Variants in IFT74 observed in about 807,000 individuals in gnomAD.
IFT74 encodes intraflagellar transport 74, also known as intraflagellar transport protein 74 homolog.
IFT74 carries 92 observed loss-of-function variants against 96.7 expected under a neutral mutation model. That is an observed-to-expected ratio of 0.95 (90% CI 0.80 to 1.13). The LOEUF (loss-of-function observed/expected upper bound fraction) is 1.13. Among genes scored for constraint, IFT74 ranks in the 50% most tolerant of loss-of-function variants. The pLI, the probability that IFT74 is intolerant of heterozygous loss-of-function variation, is 0.00. For synonymous variants in IFT74, 223 were observed against 213.2 expected (o/e 1.05, Z -0.40); for missense variants, 811 against 698.2 (o/e 1.16, Z -1.82).
At chr9:27,029,764 T>C (rs557919094) in intron 13 of IFT74, among the ~76,000 whole-genome samples, 2 of 151,984 alleles carry the variant, frequency 1.3e-5, no homozygotes, top group Non-Finnish European at 2.9e-5. Context: ...ATAAATAAAT[T>C]AATTAAATAA....
intron 13 of IFT74, among the ~76,000 whole-genome samples, chr9:27,034,799 G>T (rs888904838): frequency 1.3e-5 from 2 of 152,184 alleles, no homozygotes; most frequent in Non-Finnish European, 2.9e-5. Context: ...CAAAGTGTTG[G>T]GATTACAGGC....
intron 17 of IFT74, among the ~76,000 whole-genome samples, 163 bp from the exon 18 acceptor site, chr9:27,056,171 A>T (rs1173285196): frequency 6.6e-6 from 1 of 152,256 alleles, no homozygotes; most frequent in African/African-American, 2.4e-5. Context: ...TAATGTTAAC[A>T]TAGCTTATAG....
rs762456314 is a variant in IFT74 at position 27,011,929 on chromosome 9, A to G, written c.750A>G (p.Gln250=). 2.5e-6 allele frequency: 4 copies of G among 1,586,042 alleles called. No individual in the cohort carries two copies. In the South Asian group the frequency reaches 3.5e-5, roughly 14 times the overall value. ...AGGAATTAGATACACTTCAACAACAATTGGATTCACAGAACATGAAAAAAG... is the reference window on the plus strand; with the variant it reads ...AGGAATTAGATACACTTCAACAACAGTTGGATTCACAGAACATGAAAAAAG... ...LLQELDTLQQ[Q]LDSQNMKKES... The change falls in exon 10 of 20, where the codon CAA becomes CAG. Residue 250 remains glutamine, a synonymous_variant. Coordinates refer to ENST00000380062, the MANE Select transcript of IFT74 (RefSeq NM_025103.4).
intron 13 of IFT74, among the ~76,000 whole-genome samples, chr9:27,031,475 AAAAG>A (rs984592280): frequency 6.6e-6 from 1 of 151,958 alleles, no homozygotes; most frequent in African/African-American, 2.4e-5. Flanking sequence ...TTAAAAAAAA[AAAAG>A]AAATTCTTTT....
At chr9:26,955,424 G>A (rs1372193773), upstream of IFT74, among the ~76,000 whole-genome samples, 1 of 152,140 alleles carries the variant, frequency 6.6e-6, no homozygotes, top group Non-Finnish European at 1.5e-5. Flanking sequence ...AAATTAGATT[G>A]GAGAGTCTAG....
At chr9:26,964,783 CTAATG>C (rs1360714364) in intron 2 of IFT74, among the ~76,000 whole-genome samples, 24 of 152,080 alleles carry the variant, frequency 1.6e-4, no homozygotes, top group African/African-American at 5.6e-4. Context: ...GTACAGTACT[CTAATG>C]TAAAATATGT....
At chr9:27,049,755 A>G (rs1454818750) in intron 16 of IFT74, among the ~76,000 whole-genome samples, 2 of 152,198 alleles carry the variant, frequency 1.3e-5, no homozygotes, top group Non-Finnish European at 2.9e-5. Flanking sequence ...GCACATATCC[A>G]GCCTAGTCTT....
At chr9:27,025,461 A>AG (rs1829818368) in intron 12 of IFT74, among the ~76,000 whole-genome samples, 1 of 150,670 alleles carries the variant, frequency 6.6e-6, no homozygotes, top group Admixed American at 6.6e-5. Flanking sequence ...AAAAAAAAAA[A>AG]AAGAAAAGAA....
intron 1 of IFT74, among the ~76,000 whole-genome samples, chr9:26,961,285 T>A (rs960780651): frequency 1.3e-5 from 2 of 151,794 alleles, no homozygotes; most frequent in Non-Finnish European, 2.9e-5. Context: ...AGAGACGGGG[T>A]TTCCCTGTGT....
chr9:27,010,777 T>A (rs1306120577), intron 9 of IFT74, among the ~76,000 whole-genome samples: 1 of 152,124 alleles, frequency 6.6e-6, no homozygotes, highest in Non-Finnish European at 1.5e-5. Context: ...CGAGATCCAC[T>A]TTTTTAGGCT....
intron 8 of IFT74, among the ~76,000 whole-genome samples, chr9:27,008,575 G>A (rs1563969997): frequency 1.3e-5 from 2 of 151,952 alleles, no homozygotes; most frequent in South Asian, 4.2e-4. Context: ...GCCCAGGCTG[G>A]TCTCGACCTC....
At chr9:26,996,175 A>C (rs1441399700) in intron 8 of IFT74, 2 of 614,928 alleles carry the variant, frequency 3.3e-6, no homozygotes, top group Non-Finnish European at 5.1e-6. Context: ...TGGAAGAGCA[A>C]TATTTTGTAA....
intron 18 of IFT74, 131 bp from the exon 19 acceptor site, chr9:27,060,453 TACCGTGG>T: frequency 2.4e-6 from 1 of 424,244 alleles, no homozygotes; most frequent in Non-Finnish European, 4.3e-6. Context: ...TTTTTTTTTC[TACCGTGG>T]CTTTATCTCA....
At chr9:26,996,348 T>C in intron 8 of IFT74, 1 of 1,606,522 alleles carries the variant, frequency 6.2e-7, no homozygotes, top group South Asian at 1.1e-5. Flanking sequence ...AGCTATTAAA[T>C]ATTGAATTGC....
intron 1 of IFT74, among the ~76,000 whole-genome samples, chr9:26,956,742 C>G (rs1826123644): frequency 6.6e-6 from 1 of 152,224 alleles, no homozygotes; most frequent in South Asian, 2.1e-4. Flanking sequence ...GCAGGAGACC[C>G]GCCAAGCACA....
intron 14 of IFT74, among the ~76,000 whole-genome samples, chr9:27,045,250 G>A (rs1480547390): frequency 1.3e-5 from 2 of 152,118 alleles, no homozygotes; most frequent in African/African-American, 4.8e-5. Context: ...CTCTTGTTAT[G>A]AGAATCTAAC....
chr9:26,953,689 T>G (rs2131458193), upstream of IFT74, among the ~76,000 whole-genome samples: 1 of 151,788 alleles, frequency 6.6e-6, no homozygotes, highest in African/African-American at 2.4e-5. Context: ...GTTTTCATTT[T>G]TTGTAGGGGG....
chr9:27,031,091 G>T (rs1348678726), intron 13 of IFT74, among the ~76,000 whole-genome samples: 1 of 152,150 alleles, frequency 6.6e-6, no homozygotes, highest in Non-Finnish European at 1.5e-5. Flanking sequence ...GAACTCCTGG[G>T]CTCAAGCAGT....
intron 9 of IFT74, 51 bp downstream of exon 9, chr9:27,009,209 A>C (rs751274370): frequency 1.1e-5 from 17 of 1,530,788 alleles, no homozygotes; most frequent in Non-Finnish European, 1.4e-5. Flanking sequence ...TTGCTACTAA[A>C]AGTATAGTTT....
Sources: gnomAD v4.1 joint callset for allele counts (sites outside exome capture counted in the v4.1 genomes callset) on GRCh38, gnomAD v4.1.1 for gene constraint, MANE v1.5 for transcripts, NCBI Gene and HGNC (gene_info 2026-07-23, HGNC 2026-07-21) for gene names.